Variants in SLCO5A1 observed in about 807,000 individuals in gnomAD.
SLCO5A1 encodes organic anion transporter polypeptide-related protein 4.
In SLCO5A1, 39 loss-of-function variants were observed where a neutral mutation model predicts 65.1. The observed-to-expected ratio is 0.60, with a 90% CI of 0.46 to 0.78. The LOEUF (loss-of-function observed/expected upper bound fraction) is 0.78, where lower values mean the gene tolerates loss of function less well. Ranked by LOEUF, SLCO5A1 falls within the 30% of genes least tolerant of loss-of-function variation. The pLI is 0.00. For synonymous variants in SLCO5A1, 438 were observed against 415.7 expected (o/e 1.05, Z -0.65); for missense variants, 1,029 against 1,069.4 (o/e 0.96, Z 0.53).
At chr8:69,808,750 T>G (rs538578706) in intron 2 of SLCO5A1, among the ~76,000 whole-genome samples, 7 of 152,314 alleles carry the variant, frequency 4.6e-5, no homozygotes, top group Admixed American at 3.9e-4. Flanking sequence ...CCATGATGTG[T>G]GAGATTTTAA....
At chr8:69,701,647 C>T (rs544344377) in intron 6 of SLCO5A1, among the ~76,000 whole-genome samples, 1 of 152,238 alleles carries the variant, frequency 6.6e-6, no homozygotes, top group African/African-American at 2.4e-5. Flanking sequence ...AGCTGGAGGC[C>T]CCTGCTTCGA....
chr8:69,814,634 T>A (rs1820332048), intron 2 of SLCO5A1, among the ~76,000 whole-genome samples: 1 of 152,194 alleles, frequency 6.6e-6, no homozygotes, highest in Non-Finnish European at 1.5e-5. Flanking sequence ...TACCGTATGA[T>A]CCAGCAATCC....
intron 8 of SLCO5A1, among the ~76,000 whole-genome samples, chr8:69,679,123 A>G (rs1443286019): frequency 1.3e-5 from 2 of 151,210 alleles, no homozygotes; most frequent in African/African-American, 4.9e-5. Flanking sequence ...ACATCAAAAG[A>G]CGTTTCATTA....
At chr8:69,707,445 A>T (rs1337481254) in intron 5 of SLCO5A1, among the ~76,000 whole-genome samples, 1 of 152,216 alleles carries the variant, frequency 6.6e-6, no homozygotes, top group Admixed American at 6.5e-5. Context: ...AAATAACGAA[A>T]TTGAGGATTC....
intron 2 of SLCO5A1, among the ~76,000 whole-genome samples, 163 bp downstream of exon 2, chr8:69,831,604 C>T (rs1757884658): frequency 6.6e-6 from 1 of 152,132 alleles, no homozygotes; most frequent in African/African-American, 2.4e-5. Context: ...TGATTCTCTC[C>T]CAAACTGAAA....
chr8:69,815,501 T>C (rs1365072209), intron 2 of SLCO5A1, among the ~76,000 whole-genome samples: 2 of 152,146 alleles, frequency 1.3e-5, no homozygotes, highest in East Asian at 1.9e-4. Context: ...ATTAAATCTA[T>C]CCTACAGCTC....
At chr8:69,773,442 C>A (rs1818423809) in intron 2 of SLCO5A1, among the ~76,000 whole-genome samples, 1 of 152,144 alleles carries the variant, frequency 6.6e-6, no homozygotes, top group South Asian at 2.1e-4. Flanking sequence ...CCTCCCACAC[C>A]CTCTTCCCTC....
At chr8:69,722,053 T>C (rs1815848053) in intron 5 of SLCO5A1, among the ~76,000 whole-genome samples, 1 of 152,078 alleles carries the variant, frequency 6.6e-6, no homozygotes. Context: ...ATACCTATAG[T>C]CCCAGCTACT....
At chr8:69,695,908 G>A (rs1035596016) in intron 6 of SLCO5A1, among the ~76,000 whole-genome samples, 2 of 152,136 alleles carry the variant, frequency 1.3e-5, no homozygotes, top group Non-Finnish European at 2.9e-5. Flanking sequence ...CAAGACCAGG[G>A]TATGATAAAG....
chr8:69,778,228 GGTGT>G (rs71556783), intron 2 of SLCO5A1, among the ~76,000 whole-genome samples: 6,012 of 142,928 alleles, frequency 0.042, 306 homozygotes, highest in African/African-American at 0.13. Flanking sequence ...ATATGTATGG[GGTGT>G]GTGTGTGTGT....
At chr8:69,688,094 CT>C (rs1586684024) in intron 6 of SLCO5A1, among the ~76,000 whole-genome samples, 1 of 151,890 alleles carries the variant, frequency 6.6e-6, no homozygotes, top group Non-Finnish European at 1.5e-5. Context: ...TTTTATCCCC[CT>C]GATACTCCTA....
intron 2 of SLCO5A1, among the ~76,000 whole-genome samples, chr8:69,804,714 T>C (rs1283344916): frequency 1.2e-4 from 18 of 152,128 alleles, no homozygotes. Flanking sequence ...GGGAAGGTGA[T>C]TGGTAATCTG....
At chr8:69,826,092 A>AC (rs1432061405) in intron 2 of SLCO5A1, among the ~76,000 whole-genome samples, 2 of 152,248 alleles carry the variant, frequency 1.3e-5, no homozygotes, top group Admixed American at 6.5e-5. Flanking sequence ...GAAAGCTGAA[A>AC]CTGGATCCCT....
chr8:69,780,075 G>T (rs1458796098), intron 2 of SLCO5A1, among the ~76,000 whole-genome samples: 2 of 152,040 alleles, frequency 1.3e-5, no homozygotes, highest in African/African-American at 4.8e-5. Flanking sequence ...AATAATCAGA[G>T]AAATGCAATT....
chr8:69,681,875 CA>C (rs1813791466), intron 7 of SLCO5A1, among the ~76,000 whole-genome samples: 1 of 152,080 alleles, frequency 6.6e-6, no homozygotes. Context: ...AGGGCCCTGT[CA>C]GAGAAACAAA....
intron 4 of SLCO5A1, among the ~76,000 whole-genome samples, chr8:69,754,396 G>A (rs1024784353): frequency 6.6e-6 from 1 of 152,180 alleles, no homozygotes; most frequent in Non-Finnish European, 1.5e-5. Flanking sequence ...TTAGGCCATA[G>A]CGACATGTCT....
At chr8:69,690,953 T>C (rs1814234102) in intron 6 of SLCO5A1, among the ~76,000 whole-genome samples, 1 of 152,218 alleles carries the variant, frequency 6.6e-6, no homozygotes, top group Non-Finnish European at 1.5e-5. Flanking sequence ...AAGTGATTCA[T>C]CAGCACATAG....
chr8:69,764,143 G>T (rs150552751), intron 2 of SLCO5A1, among the ~76,000 whole-genome samples: 1 of 152,286 alleles, frequency 6.6e-6, no homozygotes, highest in South Asian at 2.1e-4. Flanking sequence ...GATTACAGAC[G>T]TGAGTCACCA....
intron 2 of SLCO5A1, among the ~76,000 whole-genome samples, chr8:69,774,605 C>T (rs1818484143): frequency 6.6e-6 from 1 of 152,206 alleles, no homozygotes; most frequent in Non-Finnish European, 1.5e-5. Flanking sequence ...GGCAGTGAAC[C>T]CTGCTTAGAG....
Sources: allele counts gnomAD v4.1 joint callset (sites outside exome capture counted in the v4.1 genomes callset), GRCh38; gene constraint gnomAD v4.1.1; transcripts MANE v1.5; gene names NCBI Gene and HGNC (gene_info 2026-07-23, HGNC 2026-07-21).